Variants in ZBTB20 observed in about 807,000 individuals in gnomAD.
ZBTB20 encodes zinc finger and BTB domain-containing protein 20.
Under a neutral mutation model 56.9 loss-of-function variants are expected in ZBTB20, and 9 were observed. The ratio of observed to expected loss-of-function variants is 0.16; its 90% CI spans 0.10 to 0.28. ZBTB20 has a LOEUF of 0.28. Among genes scored for constraint, ZBTB20 ranks in the 10% least tolerant of loss-of-function variants. ZBTB20 has a pLI of 1.00. For synonymous variants in ZBTB20, 417 were observed against 420.7 expected, an observed-to-expected ratio of 0.99 and a Z score of 0.11; for missense variants, 655 against 1,003.0, an observed-to-expected ratio of 0.65 and a Z score of 4.69.
intron 5 of ZBTB20, among the ~76,000 whole-genome samples, chr3:114,771,652 A>T (rs1295765236): frequency 6.6e-6 from 1 of 152,156 alleles, no homozygotes; most frequent in African/African-American, 2.4e-5. Context: ...TTTCTCTCTT[A>T]ATATTCAAAG....
chr3:114,685,792 G>A (rs375845597), intron 6 of ZBTB20, among the ~76,000 whole-genome samples: 2 of 152,012 alleles, frequency 1.3e-5, no homozygotes, highest in African/African-American at 2.4e-5. Flanking sequence ...TTTTCATACC[G>A]TATGCTTTGA....
intron 7 of ZBTB20, among the ~76,000 whole-genome samples, chr3:114,412,330 G>GT (rs2088048921): frequency 6.6e-6 from 1 of 152,112 alleles, no homozygotes. Flanking sequence ...CTGTACAAAT[G>GT]TAAGACATTT....
intron 4 of ZBTB20, among the ~76,000 whole-genome samples, chr3:114,816,255 T>C (rs751292089): frequency 2.0e-5 from 3 of 152,214 alleles, no homozygotes; most frequent in Non-Finnish European, 4.4e-5. Flanking sequence ...TTTGATATAG[T>C]AATAAGCTGG....
At chr3:115,051,728 T>C (rs1299415298) in intron 2 of ZBTB20, among the ~76,000 whole-genome samples, 5 of 152,212 alleles carry the variant, frequency 3.3e-5, no homozygotes, top group Admixed American at 3.3e-4. Context: ...TAGAATTATA[T>C]TTTCTGTCTT....
At position 114,749,568 on chromosome 3, in the gene ZBTB20, A is replaced by AAAGGAAGGAAGGAAGGAAGGAAGG. The variant is rs71146333; in HGVS notation, c.-343+51509_-343+51532dup. On this transcript the variant is annotated intron_variant, in intron 5 of 11. Transcript: ENST00000675478. The stretch of plus-strand genomic sequence containing the variant: ...ACTCCATCAAAGAAAGAAAGAAAGA[A>AAAGGAAGGAAGGAAGGAAGGAAGG]AAGGAAGGAAGGAAGGAAGGAAGGA... Among the ~76,000 whole-genome samples, 115 of 135,964 alleles carry AAAGGAAGGAAGGAAGGAAGGAAGG rather than the reference A, an allele frequency of 8.5e-4. 3 individuals are homozygous for AAAGGAAGGAAGGAAGGAAGGAAGG. Among genetic ancestry groups the AAAGGAAGGAAGGAAGGAAGGAAGG allele is most frequent in the African/African-American group, 2.6e-3 (90 of 34,750 alleles). The allele number at this position is 135,964 out of a possible 152,430, so 89.2% of individuals were successfully genotyped here. A position where few individuals can be genotyped will look rare whatever the true frequency, so the allele number is the denominator to read the frequency against.
chr3:114,989,605 A>T (rs932772210), intron 2 of ZBTB20, among the ~76,000 whole-genome samples: 4 of 152,184 alleles, frequency 2.6e-5, no homozygotes, highest in Non-Finnish European at 2.9e-5. Context: ...GTTCCATATG[A>T]ATTTTAAACT....
At chr3:115,112,681 AT>A (rs938992738) in intron 1 of ZBTB20, among the ~76,000 whole-genome samples, 6 of 152,006 alleles carry the variant, frequency 3.9e-5, no homozygotes, top group Non-Finnish European at 8.8e-5. Context: ...TATATGCCAC[AT>A]TTTTTTATCC....
chr3:114,781,609 C>T (rs929854477), intron 5 of ZBTB20, among the ~76,000 whole-genome samples: 1 of 152,154 alleles, frequency 6.6e-6, no homozygotes, highest in Admixed American at 6.5e-5. Flanking sequence ...AAATGCTACA[C>T]CCATTTGTGG....
chr3:115,008,866 T>C (rs529094578), intron 2 of ZBTB20, among the ~76,000 whole-genome samples: 1 of 151,942 alleles, frequency 6.6e-6, no homozygotes, highest in Non-Finnish European at 1.5e-5. Flanking sequence ...AAAGTGAGAG[T>C]TCTTTCTCAG....
At chr3:115,037,962 G>A (rs546801117) in intron 2 of ZBTB20, among the ~76,000 whole-genome samples, 1 of 152,244 alleles carries the variant, frequency 6.6e-6, no homozygotes, top group Non-Finnish European at 1.5e-5. Context: ...CACAAATGAG[G>A]TCTAAAACAT....
chr3:114,696,382 A>G (rs1288533371), intron 5 of ZBTB20, among the ~76,000 whole-genome samples: 1 of 151,992 alleles, frequency 6.6e-6, no homozygotes, highest in Non-Finnish European at 1.5e-5. Flanking sequence ...CACACTAATG[A>G]TCGCATCCAT....
At chr3:114,351,949 G>A (rs2080712135) in intron 10 of ZBTB20, 71 bp from the exon 11 acceptor site, 3 of 1,532,768 alleles carry the variant, frequency 2.0e-6, no homozygotes, top group Non-Finnish European at 2.6e-6. Flanking sequence ...CTAACACCTA[G>A]GTTTCAGGTG....
chr3:114,332,095 G>A lies in ZBTB20; in HGVS notation c.*6910C>T, dbSNP rs1480167696. 2.1e-5 allele frequency: 2 copies of A among 94,958 alleles called. No homozygotes were observed. The highest frequency in any genetic ancestry group is 1.9e-5 in the Non-Finnish European group (1 of 51,850). 5.9% of individuals were successfully genotyped at this position (94,958 alleles called of 1,614,324 possible). On this transcript the variant is annotated 3_prime_UTR_variant, in exon 12 of 12. Transcript: ENST00000675478. ...TTTTTTTTTTTTTTCTCTCTTGGAT[G>A]TATCAAAATCTCATTGAGGCATTCT...
At chr3:114,774,347 T>C (rs1034818822) in intron 5 of ZBTB20, among the ~76,000 whole-genome samples, 3 of 152,164 alleles carry the variant, frequency 2.0e-5, no homozygotes, top group African/African-American at 7.2e-5. Flanking sequence ...AAATTACTAA[T>C]ACCACACTTT....
intron 8 of ZBTB20, among the ~76,000 whole-genome samples, chr3:114,382,531 T>C (rs569219527): frequency 1.3e-5 from 2 of 152,328 alleles, no homozygotes; most frequent in East Asian, 3.9e-4. Flanking sequence ...ATCTCTGCCC[T>C]GTTGAAATCA....
intron 5 of ZBTB20, among the ~76,000 whole-genome samples, chr3:114,713,447 C>G (rs1017110104): frequency 6.6e-6 from 1 of 152,160 alleles, no homozygotes; most frequent in African/African-American, 2.4e-5. Context: ...AAGGCAAGAT[C>G]TACAGAACTA....
chr3:114,822,837 C>T (rs2108925315), intron 4 of ZBTB20, among the ~76,000 whole-genome samples: 1 of 152,152 alleles, frequency 6.6e-6, no homozygotes, highest in East Asian at 1.9e-4. Context: ...CAAGTAGAAT[C>T]AGATCCTTTT....
At chr3:114,430,008 A>T (rs1215819598) in intron 7 of ZBTB20, among the ~76,000 whole-genome samples, 1 of 121,268 alleles carries the variant, frequency 8.2e-6, no homozygotes, top group Non-Finnish European at 2.0e-5. Flanking sequence ...TTAATCTCCA[A>T]GTCATTTCCC....
intron 2 of ZBTB20, among the ~76,000 whole-genome samples, chr3:115,052,276 G>A (rs2081580536): frequency 6.6e-6 from 1 of 151,894 alleles, no homozygotes; most frequent in Admixed American, 6.6e-5. Flanking sequence ...GGACAACATG[G>A]TGAAACCCTG....
Sources: allele counts gnomAD v4.1 joint callset (sites outside exome capture counted in the v4.1 genomes callset), GRCh38; gene constraint gnomAD v4.1.1; transcripts MANE v1.5; gene names NCBI Gene and HGNC (gene_info 2026-07-23, HGNC 2026-07-21).